Variants in NF1 observed in about 807,000 individuals in gnomAD.
NF1 encodes neurofibromin.
In NF1, 122 loss-of-function variants were observed where a neutral mutation model predicts 325.7. The ratio of observed to expected loss-of-function variants is 0.37; its 90% CI spans 0.32 to 0.44. NF1 has a LOEUF of 0.44. Among genes scored for constraint, NF1 ranks in the 20% least tolerant of loss-of-function variants. NF1 has a pLI of 1.00. For synonymous variants in NF1, 1,091 were observed against 1,186.0 expected (o/e 0.92, Z 1.65); for missense variants, 2,140 against 3,415.4 (o/e 0.63, Z 9.31).
chr17:31,226,925 A>G (rs1354302531), intron 18 of NF1, among the ~76,000 whole-genome samples: 1 of 152,236 alleles, frequency 6.6e-6, no homozygotes, highest in Admixed American at 6.5e-5. Flanking sequence ...AGATGTTACT[A>G]TCAGTTATGA....
chr17:31,097,741 C>T (rs973738506), intron 1 of NF1, among the ~76,000 whole-genome samples: 15 of 152,076 alleles, frequency 9.9e-5, no homozygotes, highest in African/African-American at 3.6e-4. Context: ...CTGTCGCCCA[C>T]GCTGGAGTGC....
chr17:31,317,411 T>A (rs1175957993), intron 36 of NF1: 3 of 139,944 alleles, frequency 2.1e-5, no homozygotes, highest in Non-Finnish European at 3.2e-5. Context: ...ACACCCCTAA[T>A]AAATCATTAG....
chr17:31,321,326 C>T (rs113870801), intron 36 of NF1, among the ~76,000 whole-genome samples: 12 of 152,120 alleles, frequency 7.9e-5, no homozygotes, highest in African/African-American at 2.7e-4. Flanking sequence ...TTTTTCATTT[C>T]TAACTTAAAA....
At chr17:31,127,331 C>T (rs1358288896) in intron 1 of NF1, among the ~76,000 whole-genome samples, 1 of 152,006 alleles carries the variant, frequency 6.6e-6, no homozygotes, top group African/African-American at 2.4e-5. Flanking sequence ...TGCATTGAGT[C>T]TTTGGATCAA....
At chr17:31,102,877 G>A (rs921043007) in intron 1 of NF1, among the ~76,000 whole-genome samples, 3 of 147,222 alleles carry the variant, frequency 2.0e-5, no homozygotes, top group African/African-American at 7.6e-5. Flanking sequence ...ATAGAGTCTC[G>A]CTCTATTGCC....
chr17:31,321,444 CAGACGTT>C (rs2069189829), intron 36 of NF1: 1 of 152,104 alleles, frequency 6.6e-6, no homozygotes, highest in South Asian at 2.1e-4. Flanking sequence ...ACTAATCTGT[CAGACGTT>C]AGAAGTGAAA....
At chr17:31,349,704 A>T (rs2070091919) in intron 49 of NF1, among the ~76,000 whole-genome samples, 1 of 152,158 alleles carries the variant, frequency 6.6e-6, no homozygotes, top group East Asian at 1.9e-4. Context: ...ATGTCATTTT[A>T]TCTGGAGTAT....
chr17:31,162,250 G>A (rs2065775506), intron 3 of NF1, among the ~76,000 whole-genome samples: 1 of 152,182 alleles, frequency 6.6e-6, no homozygotes, highest in African/African-American at 2.4e-5. Context: ...GCCGAGGAGG[G>A]CGGATCACTT....
rs555688646 is a variant in NF1 at position 31,240,689 on chromosome 17, C to T, written c.3974+4668C>T. On this transcript the variant is annotated intron_variant, in intron 29 of 57. Transcript: ENST00000358273. ...CCATAGTATTATACTAATTTACATT[C>T]CTGCCAATAGTGTATGAGGGTTCCC... Among the ~76,000 whole-genome samples, 3 of 152,228 alleles carry T rather than the reference C, an allele frequency of 2.0e-5. No homozygotes were observed. The East Asian group carries it at 5.8e-4, about 29-fold the overall frequency.
rs749550221 is a variant in NF1 at position 31,374,203 on chromosome 17, C to G, written c.*48C>G. ...AAATCAACTTAACATGGGCTCTTCA[C>G]TAGTGACCCCTTCCCTGTCCTTGCC... On this transcript the variant is annotated 3_prime_UTR_variant, in exon 58 of 58. Coordinates refer to ENST00000358273, the MANE Select transcript of NF1 (RefSeq NM_001042492.3). 1 of 1,611,280 alleles carries G rather than the reference C, an allele frequency of 6.2e-7. No homozygotes were observed. Among genetic ancestry groups the G allele is most frequent in the African/African-American group, 1.3e-5 (1 of 74,846 alleles).
At chr17:31,268,246 C>T (rs1257832632) in intron 36 of NF1, among the ~76,000 whole-genome samples, 5 of 152,130 alleles carry the variant, frequency 3.3e-5, no homozygotes, top group Non-Finnish European at 7.3e-5. Flanking sequence ...TTGGCAGAAA[C>T]TTTAATGTTA....
intron 36 of NF1, among the ~76,000 whole-genome samples, chr17:31,275,553 A>G (rs754300869): frequency 2.6e-5 from 4 of 152,224 alleles, no homozygotes; most frequent in Non-Finnish European, 4.4e-5. Context: ...GTATTTCTGT[A>G]TAGGAGAAAA....
In NF1 at chr17:31,293,178, C is replaced by CAA. The variant is rs71142044; in HGVS notation, c.4835+27871_4835+27872dup. Among the ~76,000 whole-genome samples, 28 of 64,882 alleles carry CAA rather than the reference C, an allele frequency of 4.3e-4. 1 individual carries two copies. The highest frequency in any genetic ancestry group is 3.0e-3 in the East Asian group (6 of 1,984). 42.6% of individuals were successfully genotyped at this position (64,882 alleles called of 152,430 possible). On this transcript the variant is annotated intron_variant, in intron 36 of 57. Coordinates refer to ENST00000358273, the MANE Select transcript of NF1 (RefSeq NM_001042492.3). ...GGGGGATAAGAGCGAGACTTCGTCT[C>CAA]AAAAAAAAAAAAAAAAAAAAAAAAA...
At position 31,249,085 on chromosome 17, in the gene NF1, C is replaced by T. The variant is rs2151451581; in HGVS notation, c.4076C>T (p.Pro1359Leu). Reference sequence around the variant, plus strand: ...ATCAGTTCCTCCTCAGAATTCCCCCCTCAACTTCGAAGTGTGTGCCACTGT... The same window carrying T: ...ATCAGTTCCTCCTCAGAATTCCCCCTTCAACTTCGAAGTGTGTGCCACTGT... The part of the protein sequence containing the change: ...AIISSSSEFP[P>L]QLRSVCHCLY... The change falls in exon 30 of 58, where the codon CCT (proline) becomes CTT (leucine). Residue 1359 changes from proline to leucine, a missense_variant. Pro to Leu is a moderately conservative substitution (Grantham distance 98, BLOSUM62 -3). This residue lies in a region of NF1 where 336 missense variants were observed against 399.0 expected (regional missense o/e 0.84). Transcript: ENST00000358273. 6.2e-7 allele frequency: 1 copy of T among 1,614,106 alleles called. No individual in the cohort carries two copies. Among genetic ancestry groups the T allele is most frequent in the Non-Finnish European group, 8.5e-7 (1 of 1,179,984 alleles).
intron 7 of NF1, 133 bp downstream of exon 7, chr17:31,181,918 A>C (rs2066144958): frequency 7.2e-6 from 5 of 689,754 alleles, no homozygotes; most frequent in Non-Finnish European, 1.0e-5. Context: ...AACTGGTGTC[A>C]AATAGGAAAT....
intron 12 of NF1, among the ~76,000 whole-genome samples, chr17:31,207,961 C>A (rs2066653662): frequency 6.6e-6 from 1 of 151,932 alleles, no homozygotes; most frequent in African/African-American, 2.4e-5. Flanking sequence ...TACCAGCTGC[C>A]CATAATTTTC....
At chr17:31,267,478 G>A (rs2067812569) in intron 36 of NF1, among the ~76,000 whole-genome samples, 1 of 151,998 alleles carries the variant, frequency 6.6e-6, no homozygotes, top group Non-Finnish European at 1.5e-5. Flanking sequence ...AGCTCCTCCT[G>A]ACCTTCATTT....
chr17:31,371,851 G>C (rs1203069404), intron 57 of NF1, among the ~76,000 whole-genome samples: 1 of 152,200 alleles, frequency 6.6e-6, no homozygotes, highest in Non-Finnish European at 1.5e-5. Context: ...CAGCAGTTCA[G>C]ATTTTCAAGA....
chr17:31,209,267 G>T (rs138957644), intron 12 of NF1, among the ~76,000 whole-genome samples: 1 of 152,336 alleles, frequency 6.6e-6, no homozygotes, highest in Non-Finnish European at 1.5e-5. Flanking sequence ...TGCCTCAAAT[G>T]ATTTGGGACT....
Sources: allele counts gnomAD v4.1 joint callset (sites outside exome capture counted in the v4.1 genomes callset), GRCh38; gene constraint gnomAD v4.1.1; regional missense constraint gnomAD v4.1.1; transcripts MANE v1.5; gene names NCBI Gene and HGNC (gene_info 2026-07-23, HGNC 2026-07-21).